The following MCTP1 variants were observed in gnomAD, a reference collection of about 807,000 sequenced individuals.
MCTP1 encodes the protein multiple C2 and transmembrane domain-containing protein 1.
In MCTP1, 69 loss-of-function variants were observed where a neutral mutation model predicts 120.6. That is an observed-to-expected ratio of 0.57 (90% confidence interval 0.47 to 0.70). The LOEUF (loss-of-function observed/expected upper bound fraction) is 0.70. MCTP1 is among the 30% of genes least tolerant of loss of function. The probability of loss-of-function intolerance (pLI) is 0.00; values close to 1 mark genes in which losing one functional copy is unlikely to be tolerated. For missense variants in MCTP1, 1,203 were observed against 1,248.8 expected, an observed-to-expected ratio of 0.96 and a Z score of 0.55; for synonymous variants, 529 against 493.1, an observed-to-expected ratio of 1.07 and a Z score of -0.96.
Position 95,074,779 on chromosome 5 carries a change from G to A in MCTP1, c.721-57295C>T, listed in dbSNP as rs376474344. The stretch of plus-strand genomic sequence containing the variant: ...AAAATATGGCTCAAAAAAATGTTTC[G>A]TGGCCACAAGGAAATTAGGTCAAGC... On this transcript the variant is annotated intron_variant, in intron 1 of 22. Transcript: ENST00000515393. Among the ~76,000 whole-genome samples, 17 of 152,222 alleles carry A rather than the reference G, an allele frequency of 1.1e-4. No homozygotes were observed. The East Asian group carries it at 3.1e-3, about 28-fold the overall frequency.
intron 1 of MCTP1, among the ~76,000 whole-genome samples, chr5:95,230,214 ATACACATACATATATG>A (rs1754774738): frequency 6.7e-6 from 1 of 148,858 alleles, no homozygotes; most frequent in Non-Finnish European, 1.5e-5. Flanking sequence ...ACACACACAT[ATACACATACATATATG>A]TGTGTGTGTA....
At position 95,209,782 on chromosome 5, in the gene MCTP1, C is replaced by A. The variant is rs576227878; in HGVS notation, c.720+74074G>T. On this transcript the variant is annotated intron_variant, in intron 1 of 22. Transcript: ENST00000515393. Reference sequence around the variant, plus strand: ...TTAAGAAGCTCTTTTGATTTTGGATCTTTCCTGCTTTCTCTTGTGGGCATT... The same window carrying A: ...TTAAGAAGCTCTTTTGATTTTGGATATTTCCTGCTTTCTCTTGTGGGCATT... 2.0e-5 allele frequency among the ~76,000 whole-genome samples: 3 copies of A among 152,312 alleles called. No homozygotes were observed. In the East Asian group the frequency reaches 5.8e-4, roughly 29 times the overall value.
chr5:94,837,770 T>C (rs1302247438), intron 17 of MCTP1, among the ~76,000 whole-genome samples: 2 of 152,204 alleles, frequency 1.3e-5, no homozygotes, highest in African/African-American at 2.4e-5. Context: ...CGCTGGTTAA[T>C]TGACAGTCAT....
At chr5:95,101,089 G>T (rs369119968) in intron 1 of MCTP1, among the ~76,000 whole-genome samples, 86 of 149,766 alleles carry the variant, frequency 5.7e-4, no homozygotes, top group African/African-American at 2.1e-3. Flanking sequence ...TAGAAAGAAA[G>T]TAAAAAAAAA....
intron 5 of MCTP1, among the ~76,000 whole-genome samples, chr5:94,935,496 A>G (rs1420966316): frequency 6.6e-6 from 1 of 152,026 alleles, no homozygotes; most frequent in African/African-American, 2.4e-5. Flanking sequence ...TTGCCAGAGC[A>G]TTTTATTCAC....
At chr5:94,980,064 T>C (rs1829060229) in intron 2 of MCTP1, among the ~76,000 whole-genome samples, 1 of 152,138 alleles carries the variant, frequency 6.6e-6, no homozygotes, top group Non-Finnish European at 1.5e-5. Context: ...TAATGATGCT[T>C]TATAAGAATT....
intron 1 of MCTP1, among the ~76,000 whole-genome samples, chr5:95,141,450 C>T (rs1412291080): frequency 6.6e-6 from 1 of 152,212 alleles, no homozygotes; most frequent in Non-Finnish European, 1.5e-5. Flanking sequence ...GTGAACACAG[C>T]TGGGGTATTC....
chr5:95,072,218 G>A (rs1032194929), intron 1 of MCTP1, among the ~76,000 whole-genome samples: 7 of 152,068 alleles, frequency 4.6e-5, no homozygotes, highest in African/African-American at 1.7e-4. Context: ...AGCTGCTCCT[G>A]TATTCCAGTA....
intron 1 of MCTP1, among the ~76,000 whole-genome samples, chr5:95,226,061 C>A (rs1318843317): frequency 3.9e-5 from 6 of 152,002 alleles, no homozygotes; most frequent in Non-Finnish European, 7.4e-5. Context: ...TAAGTTCTTT[C>A]GCGGTGACTT....
intron 17 of MCTP1, among the ~76,000 whole-genome samples, chr5:94,862,250 C>T (rs1478462971): frequency 6.6e-6 from 1 of 151,694 alleles, no homozygotes; most frequent in Non-Finnish European, 1.5e-5. Flanking sequence ...AGAAAATGAC[C>T]TCTACAGGGA....
intron 2 of MCTP1, among the ~76,000 whole-genome samples, chr5:94,988,599 T>TG (rs1830874378): frequency 1.6e-5 from 2 of 124,086 alleles, no homozygotes; most frequent in Non-Finnish European, 3.4e-5. Context: ...CTGTGTGTGT[T>TG]TTTTTTTTTT....
chr5:95,283,148 A>C (rs1760458191), intron 1 of MCTP1, among the ~76,000 whole-genome samples: 1 of 152,230 alleles, frequency 6.6e-6, no homozygotes, highest in African/African-American at 2.4e-5. Context: ...TTTCTAGTAA[A>C]AGCACTTTTA....
chr5:94,897,867 C>T (rs1244314585), intron 10 of MCTP1, among the ~76,000 whole-genome samples: 1 of 152,168 alleles, frequency 6.6e-6, no homozygotes, highest in African/African-American at 2.4e-5. Flanking sequence ...TGTCGTTCCC[C>T]TCTTTGTGCC....
intron 19 of MCTP1, among the ~76,000 whole-genome samples, chr5:94,773,091 T>C (rs1004801162): frequency 2.0e-5 from 3 of 152,184 alleles, no homozygotes; most frequent in African/African-American, 4.8e-5. Context: ...TAAGCACCAA[T>C]AGGTTCACAA....
intron 2 of MCTP1, among the ~76,000 whole-genome samples, chr5:94,962,811 C>G (rs1208245164): frequency 6.6e-6 from 1 of 152,066 alleles, no homozygotes; most frequent in Non-Finnish European, 1.5e-5. Flanking sequence ...CACAAATCAT[C>G]ACTTAATAAC....
At chr5:95,068,441 A>C (rs1320733253) in intron 1 of MCTP1, among the ~76,000 whole-genome samples, 4 of 152,222 alleles carry the variant, frequency 2.6e-5, no homozygotes, top group African/African-American at 4.8e-5. Context: ...ATGAAAACAA[A>C]ACAAAACCAA....
intron 1 of MCTP1, among the ~76,000 whole-genome samples, chr5:95,156,235 A>T (rs1463002297): frequency 6.6e-6 from 1 of 152,220 alleles, no homozygotes; most frequent in African/African-American, 2.4e-5. Context: ...ACGGAGACTG[A>T]GATAAGAAAT....
intron 17 of MCTP1, among the ~76,000 whole-genome samples, chr5:94,844,667 C>G (rs185918592): frequency 6.6e-6 from 1 of 152,152 alleles, no homozygotes; most frequent in Non-Finnish European, 1.5e-5. Context: ...AACCCAGCAG[C>G]TCCCCAACTG....
chr5:95,223,698 T>C (rs781101220), intron 1 of MCTP1, among the ~76,000 whole-genome samples: 3 of 152,032 alleles, frequency 2.0e-5, no homozygotes, highest in Non-Finnish European at 4.4e-5. Flanking sequence ...AAATCTAAAT[T>C]TGGAAAAAAA....
Sources: gnomAD v4.1 joint callset for allele counts (sites outside exome capture counted in the v4.1 genomes callset) on GRCh38, gnomAD v4.1.1 for gene constraint, MANE v1.5 for transcripts, NCBI Gene and HGNC (gene_info 2026-07-23, HGNC 2026-07-21) for gene names.